The following HERC2 variants were observed in gnomAD, a reference collection of about 807,000 sequenced individuals.
HERC2 encodes the protein HECT and RLD domain containing E3 ubiquitin protein ligase 2, also known as E3 ubiquitin-protein ligase HERC2.
A neutral mutation model predicts 537.7 loss-of-function variants in HERC2; 102 were observed. That is an observed-to-expected ratio of 0.19 (90% CI 0.16 to 0.22). The LOEUF (loss-of-function observed/expected upper bound fraction) is 0.22. Among genes scored for constraint, HERC2 ranks in the 10% least tolerant of loss-of-function variants. The pLI, the probability that HERC2 is intolerant of heterozygous loss-of-function variation, is 1.00. For synonymous variants in HERC2, 2,224 were observed against 2,466.2 expected (o/e 0.90, Z 2.91); for missense variants, 4,236 against 6,198.2 (o/e 0.68, Z 10.63).
rs780181046 is a variant in HERC2 at position 28,292,986 on chromosome 15, T to G, written c.224A>C (p.Asp75Ala). ...SVEPSGTKKEDLNDKEKKDEE... is the reference protein window; with the variant it reads ...SVEPSGTKKEALNDKEKKDEE... ...ATCTTTTTTCTCTTTGTCATTCAGATCTTCTTTCTTTGTTCCACTTGGTTC... is the reference window on the plus strand; with the variant it reads ...ATCTTTTTTCTCTTTGTCATTCAGAGCTTCTTTCTTTGTTCCACTTGGTTC... The change falls in exon 4 of 93, where the codon GAT becomes GCT. Residue 75 changes from aspartate (D) to alanine (A), a missense_variant. Asp to Ala is a moderately radical substitution (Grantham distance 126). Around this residue, in one of 27 missense-constraint regions of HERC2, gnomAD observed 491 missense variants for 559.3 expected, o/e 0.88. Coordinates refer to ENST00000261609, the MANE Select transcript of HERC2 (RefSeq NM_004667.6). 3.1e-6 allele frequency: 5 copies of G among 1,611,148 alleles called. 1 individual carries two copies. In the South Asian group the frequency reaches 5.5e-5, roughly 18 times the overall value.
At chr15:28,159,630 C>T (rs563729944) in intron 69 of HERC2, among the ~76,000 whole-genome samples, 40 of 152,250 alleles carry the variant, frequency 2.6e-4, no homozygotes, top group African/African-American at 9.6e-4. Flanking sequence ...GTTAGCCATT[C>T]GTCTAATCTT....
intron 2 of HERC2, among the ~76,000 whole-genome samples, chr15:28,310,925 A>G (rs1378045751): frequency 2.6e-5 from 4 of 151,822 alleles, no homozygotes; most frequent in Non-Finnish European, 4.4e-5. Context: ...AAAATACAAA[A>G]AATTAGCCAG....
At position 28,263,022 on chromosome 15, in the gene HERC2, G is replaced by A. The variant is rs1379569878; in HGVS notation, c.2018C>T (p.Thr673Met). 2.5e-6 allele frequency: 4 copies of A among 1,613,846 alleles called. No homozygotes were observed. The highest frequency in any genetic ancestry group is 2.5e-6 in the Non-Finnish European group (3 of 1,180,026). Residue 673 changes from threonine (T) to methionine (M), a missense_variant, in exon 15 of 93, where the codon ACG (threonine) becomes ATG (methionine). Physicochemically the swap from Thr to Met is moderately conservative, Grantham distance 81. Coordinates refer to ENST00000261609, the MANE Select transcript of HERC2 (RefSeq NM_004667.6). The stretch of plus-strand genomic sequence containing the variant: ...CCATGAATAAACTTGGCCATCTTTC[G>A]TCAAAGCAATGGAAAACTGACTTCC... ...RCGSQFSIAL[T>M]KDGQVYSWGK...
intron 42 of HERC2, 166 bp from the exon 43 acceptor site, chr15:28,212,749 G>A (rs1403556056): frequency 3.3e-6 from 1 of 298,572 alleles, no homozygotes; most frequent in African/African-American, 2.3e-5. Flanking sequence ...AGGCAGGATA[G>A]AGATTTACAC....
chr15:28,163,828 C>T (rs779407733), intron 68 of HERC2, among the ~76,000 whole-genome samples: 39 of 152,188 alleles, frequency 2.6e-4, no homozygotes, highest in Admixed American at 6.5e-5. Flanking sequence ...CTCATTACCA[C>T]TCGTGTACTT....
chr15:28,289,548 C>T (rs561075365), intron 4 of HERC2, among the ~76,000 whole-genome samples: 1 of 152,274 alleles, frequency 6.6e-6, no homozygotes, highest in South Asian at 2.1e-4. Flanking sequence ...GATGGAGATA[C>T]TCCTGGGAAA....
intron 2 of HERC2, among the ~76,000 whole-genome samples, chr15:28,300,010 A>G (rs979903807): frequency 1.6e-4 from 24 of 149,368 alleles, no homozygotes; most frequent in Non-Finnish European, 3.6e-4. Flanking sequence ...CCAAGATCGC[A>G]CCACTGCACT....
chr15:28,222,126 C>A lies in HERC2; in HGVS notation c.5554G>T (p.Ala1852Ser). The A allele has an allele frequency of 9.0e-7, 1 of 1,110,714 alleles. No homozygotes were observed. Among genetic ancestry groups the A allele is most frequent in the Non-Finnish European group, 1.4e-6 (1 of 716,234 alleles). The allele number at this position is 1,110,714 out of a possible 1,614,324, so 68.8% of individuals were successfully genotyped here. Residue 1852 changes from alanine (A) to serine (S), a missense_variant, in exon 36 of 93, where the codon GCT (alanine) becomes TCT (serine). Physicochemically the swap from Ala to Ser is moderately conservative, Grantham distance 99. Coordinates refer to ENST00000261609, the MANE Select transcript of HERC2 (RefSeq NM_004667.6). ...CCTGAAACAGGGAGCTGCACAGGAG[C>A]CGTTTCCTTCCTTGTTTCTTCCAAA... is the stretch of plus-strand genomic sequence containing the variant. ...TVLEETRKET[A>S]PVQLPVSGPE...
rs1472584598 is a variant in HERC2 at position 28,182,513 on chromosome 15, C to T, written c.8826-1G>A. 6.3e-7 allele frequency: 1 copy of T among 1,592,904 alleles called. No homozygotes were observed. Among genetic ancestry groups the T allele is most frequent in the Admixed American group, 1.7e-5 (1 of 58,290 alleles). On this transcript the variant is annotated splice_acceptor_variant, in intron 56 of 92. Coordinates refer to ENST00000261609, the MANE Select transcript of HERC2 (RefSeq NM_004667.6). LOFTEE classifies it high-confidence loss of function. The stretch of plus-strand genomic sequence containing the variant: ...CCCAGCAGCCTTCTTTCTAATGAGG[C>T]TAACCAAACGGAAAAAAAAAAGAAA...
At chr15:28,286,190 A>G (rs1278840841) in intron 4 of HERC2, among the ~76,000 whole-genome samples, 5 of 151,848 alleles carry the variant, frequency 3.3e-5, no homozygotes. Context: ...ACTATTAAGA[A>G]GCTAATATTA....
chr15:28,284,760 C>A (rs1255419185), intron 4 of HERC2, among the ~76,000 whole-genome samples: 1 of 151,422 alleles, frequency 6.6e-6, no homozygotes, highest in Non-Finnish European at 1.5e-5. Context: ...ACTAAAAATA[C>A]AAAAAGTAGC....
At chr15:28,295,825 T>C (rs1331046679) in intron 3 of HERC2, among the ~76,000 whole-genome samples, 2 of 152,206 alleles carry the variant, frequency 1.3e-5, no homozygotes, top group African/African-American at 2.4e-5. Context: ...GAACGTCCCC[T>C]GCCCGCTGAC....
intron 48 of HERC2, among the ~76,000 whole-genome samples, chr15:28,200,011 G>A (rs1471259510): frequency 1.3e-5 from 2 of 152,174 alleles, no homozygotes; most frequent in Non-Finnish European, 2.9e-5. Flanking sequence ...TAATGTGGCA[G>A]TATTAGGAGA....
chr15:28,270,668 T>C (rs918201074), intron 10 of HERC2, 27 bp downstream of exon 10: 2 of 1,605,474 alleles, frequency 1.2e-6, no homozygotes, highest in African/African-American at 2.7e-5. Context: ...ACAAAACACA[T>C]GGAGAACACG....
intron 3 of HERC2, among the ~76,000 whole-genome samples, chr15:28,294,010 G>C (rs1449556069): frequency 6.6e-6 from 1 of 152,126 alleles, no homozygotes; most frequent in Non-Finnish European, 1.5e-5. Context: ...TATCTCAATC[G>C]GTGAAAGACA....
intron 69 of HERC2, among the ~76,000 whole-genome samples, chr15:28,159,499 T>A (rs367790815): frequency 6.6e-6 from 1 of 152,246 alleles, no homozygotes; most frequent in Non-Finnish European, 1.5e-5. Context: ...CAATCACTGA[T>A]ACCCCTTCCT....
chr15:28,156,278 A>C (rs1893002812), intron 69 of HERC2, among the ~76,000 whole-genome samples: 1 of 152,166 alleles, frequency 6.6e-6, no homozygotes, highest in Non-Finnish European at 1.5e-5. Context: ...ACTTTAAAGT[A>C]GTTTTTTCCA....
intron 2 of HERC2, among the ~76,000 whole-genome samples, chr15:28,320,673 T>A (rs1047824611): frequency 1.3e-5 from 2 of 151,788 alleles, no homozygotes; most frequent in African/African-American, 4.9e-5. Context: ...GATAAGGAGT[T>A]CCAAAAGTAG....
intron 23 of HERC2, among the ~76,000 whole-genome samples, chr15:28,243,337 G>C (rs1397204730): frequency 1.3e-5 from 2 of 152,168 alleles, no homozygotes; most frequent in Admixed American, 1.3e-4. Flanking sequence ...ATCTGGGTAA[G>C]AAAAAGATTT....
Sources: allele counts gnomAD v4.1 joint callset (sites outside exome capture counted in the v4.1 genomes callset), GRCh38; gene constraint gnomAD v4.1.1; regional missense constraint gnomAD v4.1.1; transcripts MANE v1.5; gene names NCBI Gene and HGNC (gene_info 2026-07-23, HGNC 2026-07-21).